RABGAP1L: variants seen among roughly 807,000 people sequenced by gnomAD.
RABGAP1L encodes RAB GTPase activating protein 1 like, also known as rab GTPase-activating protein 1-like.
RABGAP1L carries 63 observed loss-of-function variants against 137.7 expected under a neutral mutation model. That is an observed-to-expected ratio of 0.46 (90% CI 0.37 to 0.56). RABGAP1L has a LOEUF of 0.56. RABGAP1L is among the 20% of genes least tolerant of loss of function. The probability of loss-of-function intolerance (pLI) is 0.00; values close to 1 mark genes in which losing one functional copy is unlikely to be tolerated. For synonymous variants in RABGAP1L, 431 were observed against 433.7 expected (o/e 0.99, Z 0.08); for missense variants, 1,095 against 1,244.0 (o/e 0.88, Z 1.80).
chr1:174,377,259 T>G (rs1233948670), intron 12 of RABGAP1L, among the ~76,000 whole-genome samples: 1 of 152,178 alleles, frequency 6.6e-6, no homozygotes, highest in Admixed American at 6.5e-5. Context: ...ATCTCAATAT[T>G]ATTAAGATTT....
intron 14 of RABGAP1L, among the ~76,000 whole-genome samples, chr1:174,675,670 T>G (rs538641634): frequency 1.3e-5 from 2 of 152,146 alleles, no homozygotes; most frequent in Non-Finnish European, 2.9e-5. Flanking sequence ...ATCTATAAAT[T>G]ACCTTGGGTT....
intron 19 of RABGAP1L, among the ~76,000 whole-genome samples, chr1:174,812,701 A>G (rs1233877992): frequency 6.6e-6 from 1 of 152,240 alleles, no homozygotes; most frequent in Non-Finnish European, 1.5e-5. Flanking sequence ...TACATTATTT[A>G]TTTAACATGT....
At chr1:174,245,685 G>C (rs1373627779) in intron 5 of RABGAP1L, 1 of 151,696 alleles carries the variant, frequency 6.6e-6, no homozygotes, top group Admixed American at 6.6e-5. Flanking sequence ...TCCCAGGCTG[G>C]AGTGCAGTGG....
intron 13 of RABGAP1L, among the ~76,000 whole-genome samples, chr1:174,508,973 G>A (rs1418146321): frequency 2.0e-5 from 3 of 152,148 alleles, no homozygotes; most frequent in South Asian, 2.1e-4. Flanking sequence ...GTATTATACC[G>A]TCTTTTAAAA....
intron 13 of RABGAP1L, among the ~76,000 whole-genome samples, chr1:174,461,935 A>C (rs904312696): frequency 6.6e-6 from 1 of 152,084 alleles, no homozygotes; most frequent in South Asian, 2.1e-4. Context: ...ATGTTTATTT[A>C]TATTCAGCTG....
intron 11 of RABGAP1L, among the ~76,000 whole-genome samples, chr1:174,322,460 T>C (rs1305080600): frequency 1.3e-5 from 2 of 152,176 alleles, no homozygotes; most frequent in African/African-American, 2.4e-5. Flanking sequence ...CTCACTCATA[T>C]AGCAGTCAAA....
At chr1:174,171,132 T>C (rs1359863627) in intron 1 of RABGAP1L, among the ~76,000 whole-genome samples, 2 of 152,208 alleles carry the variant, frequency 1.3e-5, no homozygotes, top group African/African-American at 2.4e-5. Flanking sequence ...ATGAGGAGTA[T>C]ATGTAAATAA....
At chr1:174,195,042 T>A (rs1166662002) in intron 1 of RABGAP1L, among the ~76,000 whole-genome samples, 1 of 149,106 alleles carries the variant, frequency 6.7e-6, no homozygotes, top group East Asian at 1.9e-4. Context: ...ATATATATAT[T>A]TGGATAATTA....
chr1:174,665,691 C>T (rs1020262759), intron 14 of RABGAP1L, among the ~76,000 whole-genome samples: 3 of 152,188 alleles, frequency 2.0e-5, no homozygotes, highest in African/African-American at 7.2e-5. Flanking sequence ...TCTTGAACTC[C>T]TGACCTCAGG....
intron 18 of RABGAP1L, among the ~76,000 whole-genome samples, chr1:174,808,811 G>A (rs367585287): frequency 4.0e-5 from 6 of 151,762 alleles, no homozygotes; most frequent in East Asian, 1.9e-4. Flanking sequence ...GCGCCACCAC[G>A]CCTGGCTAAT....
In RABGAP1L at chr1:174,864,007, G is replaced by C. The variant is rs1275608852; in HGVS notation, c.2340+52047G>C. Among the ~76,000 whole-genome samples, 3 of 152,118 alleles carry C rather than the reference G, an allele frequency of 2.0e-5. No individual in the cohort carries two copies. The East Asian group carries it at 5.8e-4, about 29-fold the overall frequency. The stretch of plus-strand genomic sequence containing the variant: ...AAAAAAAAAGTTTTCTAATTCACTG[G>C]ATACAGAATTCTATAATATTTCTTT... On this transcript the variant is annotated intron_variant, in intron 19 of 25. Transcript: ENST00000681986.
chr1:174,163,624 A>C (rs1170472813), intron 1 of RABGAP1L, among the ~76,000 whole-genome samples: 1 of 151,538 alleles, frequency 6.6e-6, no homozygotes, highest in Non-Finnish European at 1.5e-5. Context: ...AAAAAAAAAA[A>C]ACCCAACAAC....
At chr1:174,185,458 T>C (rs1666726202) in intron 1 of RABGAP1L, among the ~76,000 whole-genome samples, 1 of 152,250 alleles carries the variant, frequency 6.6e-6, no homozygotes, top group Non-Finnish European at 1.5e-5. Context: ...TATAAAATTA[T>C]ACATTCAAAT....
At chr1:174,677,038 G>T (rs1677683293) in intron 14 of RABGAP1L, among the ~76,000 whole-genome samples, 1 of 152,070 alleles carries the variant, frequency 6.6e-6, no homozygotes, top group Non-Finnish European at 1.5e-5. Flanking sequence ...TATCAGGGAA[G>T]TGGCCAGATG....
intron 19 of RABGAP1L, among the ~76,000 whole-genome samples, chr1:174,905,997 C>T (rs1659010101): frequency 6.6e-6 from 1 of 152,044 alleles, no homozygotes; most frequent in Non-Finnish European, 1.5e-5. Flanking sequence ...GGGAGCTAAG[C>T]AGAACAAGGA....
chr1:174,849,371 A>T (rs1307552615), intron 19 of RABGAP1L, among the ~76,000 whole-genome samples: 1 of 152,182 alleles, frequency 6.6e-6, no homozygotes, highest in Non-Finnish European at 1.5e-5. Context: ...AAGGGGCCAT[A>T]TGACGAATTT....
At chr1:174,941,106 T>C (rs1665787585) in intron 19 of RABGAP1L, among the ~76,000 whole-genome samples, 1 of 152,190 alleles carries the variant, frequency 6.6e-6, no homozygotes, top group African/African-American at 2.4e-5. Flanking sequence ...TTCCTTTAGG[T>C]ATGAGGAAAG....
chr1:174,771,104 A>G (rs758863960), intron 18 of RABGAP1L, among the ~76,000 whole-genome samples: 2 of 152,240 alleles, frequency 1.3e-5, no homozygotes, highest in Non-Finnish European at 2.9e-5. Flanking sequence ...AACAGCATGT[A>G]GAAGAGGAAT....
At chr1:174,616,942 A>T (rs12057359) in intron 13 of RABGAP1L, among the ~76,000 whole-genome samples, 20,266 of 152,196 alleles carry the variant, frequency 0.13, 4,530 homozygotes, top group African/African-American at 0.46. Context: ...ATAAAGATCC[A>T]GGAGAGATAA....
Sources: allele counts gnomAD v4.1 joint callset (sites outside exome capture counted in the v4.1 genomes callset), GRCh38; gene constraint gnomAD v4.1.1; transcripts MANE v1.5; gene names NCBI Gene and HGNC (gene_info 2026-07-23, HGNC 2026-07-21).